The following COL10A1 variants were observed in gnomAD, a reference collection of about 807,000 sequenced individuals.
The protein encoded by COL10A1 is collagen type X alpha 1 chain, also known as collagen alpha-1(X) chain.
A neutral mutation model predicts 18.2 loss-of-function variants in COL10A1; 10 were observed. That is an observed-to-expected ratio of 0.55 (90% CI 0.34 to 0.93). The LOEUF is 0.93. COL10A1 is among the 40% of genes least tolerant of loss of function. The pLI is 0.02. For synonymous variants in COL10A1, 330 were observed against 316.6 expected (o/e 1.04, Z -0.45); for missense variants, 897 against 853.5 (o/e 1.05, Z -0.64).
intron 1 of COL10A1, among the ~76,000 whole-genome samples, chr6:116,147,715 A>G (rs1779933953): frequency 6.6e-6 from 1 of 152,188 alleles, no homozygotes; most frequent in Non-Finnish European, 1.5e-5. Flanking sequence ...ATGCACATTC[A>G]CCCAAGAATT....
rs73772277 is a variant in COL10A1 at position 116,142,326 on chromosome 6, G to A, written c.-16+16288C>T. ...TTTGGCATATACTTAGGAAAATGTA[G>A]TAGAGATTTCAAGTTGTAAAAAAAA... is the stretch of plus-strand genomic sequence containing the variant. On this transcript the variant is annotated intron_variant, in intron 1 of 1. Transcript: ENST00000418500. 2.3e-3 allele frequency among the ~76,000 whole-genome samples: 347 copies of A among 151,252 alleles called. 2 individuals are homozygous for A. Among genetic ancestry groups the A allele is most frequent in the African/African-American group, 8.3e-3 (340 of 41,184 alleles).
At chr6:116,151,802 C>G (rs1780047848) in intron 1 of COL10A1, among the ~76,000 whole-genome samples, 2 of 152,108 alleles carry the variant, frequency 1.3e-5, no homozygotes, top group Non-Finnish European at 2.9e-5. Flanking sequence ...AAAGCAGCAA[C>G]AACAAAATAC....
upstream of COL10A1, among the ~76,000 whole-genome samples, chr6:116,160,547 A>G (rs974389432): frequency 1.3e-5 from 2 of 152,130 alleles, no homozygotes; most frequent in South Asian, 4.1e-4. Flanking sequence ...ATAGTTTGCA[A>G]ATATTTTCTC....
rs1307192103 is a variant in COL10A1, at chr6:116,121,512, T to C, written c.604A>G (p.Arg202Gly). Residue 202 changes from arginine to glycine, a missense_variant, in exon 3 of 3, where the codon AGG becomes GGG. Physicochemically the swap from Arg to Gly is moderately radical, Grantham distance 125 (BLOSUM62 -2). Coordinates refer to ENST00000651968, the MANE Select transcript of COL10A1 (RefSeq NM_000493.4). ...GGACCCTGAGGGCCTGGAAGACCCCTCTCACCTGGACGACCAGGAGCACCA... is the reference window on the plus strand; with the variant it reads ...GGACCCTGAGGGCCTGGAAGACCCCCCTCACCTGGACGACCAGGAGCACCA... ...GYGAPGRPGERGLPGPQGPTG... is the reference protein window; with the variant it reads ...GYGAPGRPGEGGLPGPQGPTG... The C allele has an allele frequency of 1.9e-6, 3 of 1,613,968 alleles. No individual in the cohort carries two copies. The African/African-American group carries it at 4.0e-5, about 22-fold the overall frequency.
chr6:116,166,175 C>T, the COL10A1 span, among the ~76,000 whole-genome samples: 2 of 152,170 alleles, frequency 1.3e-5, no homozygotes, highest in Non-Finnish European at 1.5e-5. Flanking sequence ...CTCTGCGAGA[C>T]TCTTGCTGCT....
At chr6:116,122,338 GA>G (rs1190181595) in intron 2 of COL10A1, among the ~76,000 whole-genome samples, 1 of 152,106 alleles carries the variant, frequency 6.6e-6, no homozygotes, top group African/African-American at 2.4e-5. Context: ...AAATGTTTAA[GA>G]ACTATAAAAA....
the COL10A1 span, among the ~76,000 whole-genome samples, chr6:116,175,124 A>G: frequency 6.6e-6 from 1 of 152,130 alleles, no homozygotes; most frequent in Non-Finnish European, 1.5e-5. Context: ...TAAAATATGT[A>G]TATTTTGTAT....
At chr6:116,123,876 T>C (rs1779211728) in intron 2 of COL10A1, among the ~76,000 whole-genome samples, 1 of 152,336 alleles carries the variant, frequency 6.6e-6, no homozygotes, top group Middle Eastern at 3.4e-3. Flanking sequence ...TCTAAAATAG[T>C]GCATTTTCTT....
chr6:116,120,102 A>G lies in COL10A1; in HGVS notation c.2014T>C (p.Phe672Leu), dbSNP rs1779063556. 2 of 1,614,008 alleles carry G rather than the reference A, an allele frequency of 1.2e-6. No homozygotes were observed. Among genetic ancestry groups the G allele is most frequent in the Non-Finnish European group, 1.7e-6 (2 of 1,179,986 alleles). The change falls in exon 3 of 3, where the codon TTC becomes CTC. Residue 672 changes from phenylalanine to leucine, a missense_variant. Physicochemically the swap from Phe to Leu is conservative, Grantham distance 22. Transcript: ENST00000651968. ...ATTGGAGCCACTAGGAATCCTGAGA[A>G]AGAGGAGTGGACATACTCAGAGGAG... ...LYSSEYVHSS[F>L]SGFLVAPM
the COL10A1 span, among the ~76,000 whole-genome samples, chr6:116,208,759 T>G: frequency 6.6e-6 from 1 of 152,012 alleles, no homozygotes; most frequent in African/African-American, 2.4e-5. Flanking sequence ...CCTGAAAACA[T>G]CTTATTCAGA....
chr6:116,133,415 G>A (rs965819387), intron 1 of COL10A1, among the ~76,000 whole-genome samples: 3 of 152,086 alleles, frequency 2.0e-5, no homozygotes, highest in African/African-American at 4.8e-5. Flanking sequence ...TTGTTCCTCT[G>A]TTTGCCATCG....
the COL10A1 span, among the ~76,000 whole-genome samples, chr6:116,186,916 G>GTTA: frequency 2.4e-4 from 37 of 152,150 alleles, no homozygotes; most frequent in East Asian, 3.5e-3. Flanking sequence ...GTGAGCTAGT[G>GTTA]TTATCTTTTG....
At chr6:116,135,864 T>C (rs866632013) in intron 1 of COL10A1, among the ~76,000 whole-genome samples, 30 of 108,644 alleles carry the variant, frequency 2.8e-4, no homozygotes, top group South Asian at 1.8e-3. Context: ...TATATATATA[T>C]ATATATATAC....
chr6:116,173,163 A>G, the COL10A1 span, among the ~76,000 whole-genome samples: 2 of 152,204 alleles, frequency 1.3e-5, no homozygotes, highest in African/African-American at 4.8e-5. Context: ...AAAACATTGT[A>G]TGTGTCTAAA....
At chr6:116,137,993 G>A (rs759181902) in intron 1 of COL10A1, among the ~76,000 whole-genome samples, 17 of 151,920 alleles carry the variant, frequency 1.1e-4, no homozygotes, top group Non-Finnish European at 2.2e-4. Context: ...CAGGAGAATC[G>A]CTTGAACTTG....
chr6:116,161,603 C>T (rs1440961541), upstream of COL10A1, among the ~76,000 whole-genome samples: 2 of 151,962 alleles, frequency 1.3e-5, no homozygotes, highest in Non-Finnish European at 2.9e-5. Context: ...ATTTTTGTAC[C>T]AGTAGCATGC....
At chr6:116,205,516 AG>A in the COL10A1 span, among the ~76,000 whole-genome samples, 2 of 151,856 alleles carry the variant, frequency 1.3e-5, no homozygotes, top group Non-Finnish European at 2.9e-5. Context: ...GGAGCCCCAC[AG>A]TCTCTACACA....
At chr6:116,180,412 T>C in the COL10A1 span, among the ~76,000 whole-genome samples, 1 of 152,092 alleles carries the variant, frequency 6.6e-6, no homozygotes, top group African/African-American at 2.4e-5. Flanking sequence ...AGAATTGATA[T>C]GTCACACTTT....
the COL10A1 span, among the ~76,000 whole-genome samples, chr6:116,178,052 AGTGTGT>A: frequency 0.029 from 4,023 of 136,388 alleles, 134 homozygotes; most frequent in African/African-American, 0.073. Flanking sequence ...CAAAGAGGAA[AGTGTGT>A]GTGTGTGTGT....
Sources: allele counts gnomAD v4.1 joint callset (sites outside exome capture counted in the v4.1 genomes callset), GRCh38; gene constraint gnomAD v4.1.1; transcripts MANE v1.5; gene names NCBI Gene and HGNC (gene_info 2026-07-23, HGNC 2026-07-21).